TERT: variants seen among roughly 807,000 people sequenced by gnomAD.
TERT encodes the protein telomerase catalytic subunit.
Under a neutral mutation model 104.0 loss-of-function variants are expected in TERT, and 42 were observed. The observed-to-expected ratio is 0.40, with a 90% CI of 0.32 to 0.52. The LOEUF is 0.52. TERT is among the 20% of genes least tolerant of loss of function. The pLI is 0.43. For synonymous variants in TERT, 781 were observed against 725.6 expected (o/e 1.08, Z -1.23); for missense variants, 1,101 against 1,610.3 (o/e 0.68, Z 5.41).
chr5:1,264,116 T>G, intron 11 of TERT: 1 of 473,306 alleles, frequency 2.1e-6, no homozygotes, highest in Non-Finnish European at 3.9e-6. Flanking sequence ...GCGTCTTGGG[T>G]TCGGATCCAG....
intron 6 of TERT, among the ~76,000 whole-genome samples, chr5:1,277,143 C>T (rs1472185234): frequency 2.0e-5 from 3 of 152,216 alleles, no homozygotes; most frequent in African/African-American, 4.8e-5. Flanking sequence ...CACAATCCCA[C>T]GAGGCGGCTT....
chr5:1,284,172 G>A (rs1429483906), intron 2 of TERT, among the ~76,000 whole-genome samples: 90 of 38,018 alleles, frequency 2.4e-3, no homozygotes, highest in South Asian at 5.0e-3. Context: ...CCATCCAGAC[G>A]CCGCACATCC....
chr5:1,279,237 G>A, intron 5 of TERT, 54 bp downstream of exon 5: 3 of 1,531,564 alleles, frequency 2.0e-6, no homozygotes, highest in South Asian at 1.2e-5. Context: ...GTGCCAATCA[G>A]GCAGCCACTC....
chr5:1,285,159 C>T (rs1318505318), intron 2 of TERT, among the ~76,000 whole-genome samples: 1 of 122,458 alleles, frequency 8.2e-6, no homozygotes, highest in Non-Finnish European at 1.8e-5. Context: ...GGACTCCATA[C>T]CTCCAGCTCA....
chr5:1,256,874 C>T lies in TERT; in HGVS notation c.3033-1463G>A, dbSNP rs763210459. Among the ~76,000 whole-genome samples, 90 of 152,268 alleles carry T rather than the reference C, an allele frequency of 5.9e-4. No individual in the cohort carries two copies. The highest frequency in any genetic ancestry group is 2.1e-3 in the African/African-American group (87 of 41,556). On this transcript the variant is annotated intron_variant, in intron 13 of 15. Transcript: ENST00000310581. This position sits in a 1 kb window ranked among gnomAD's most constrained non-coding sequence, Gnocchi z 7.0. ...GAGGTCGGGGCGTCCACCCCAAGCC[C>T]GTGTGGAGGCGCGGCCAGCACGGGC... is the stretch of plus-strand genomic sequence containing the variant.
chr5:1,293,172 A>T, intron 2 of TERT, 141 bp downstream of exon 2: 1 of 925,460 alleles, frequency 1.1e-6, no homozygotes, highest in Non-Finnish European at 1.6e-6. Flanking sequence ...CACCGTGTCC[A>T]CTCGACGTCC....
At chr5:1,282,927 C>T (rs1750142349) in intron 2 of TERT, 5 of 476,178 alleles carry the variant, frequency 1.1e-5, no homozygotes, top group Admixed American at 9.7e-5. Context: ...GGCGAACTCA[C>T]CCCGGACCTG....
At position 1,256,349 on chromosome 5, in the gene TERT, G is replaced by GCAC. The variant is rs543577182; in HGVS notation, c.3033-939_3033-938insGTG. Among the ~76,000 whole-genome samples, 52 of 152,180 alleles carry GCAC rather than the reference G, an allele frequency of 3.4e-4. No homozygotes were observed. The highest frequency in any genetic ancestry group is 1.1e-3 in the African/African-American group (47 of 41,508). ...CATCTTTGGCCTCTCAGCTTCCTGG[G>GCAC]ACTTTGGGGCAGGTGTGCACAGACC... On this transcript the variant is annotated intron_variant, in intron 13 of 15. Transcript: ENST00000310581. This position sits in a 1 kb window ranked among gnomAD's most constrained non-coding sequence, Gnocchi z 7.0.
rs185178000 is a variant in TERT at position 1,292,469 on chromosome 5, C to T, written c.1573+844G>A. The stretch of plus-strand genomic sequence containing the variant: ...TGGGACCAGGATCTGTGCTGGAGAA[C>T]AGTCTTATCTCCCTCCCTCTACCCT... On this transcript the variant is annotated intron_variant, in intron 2 of 15. Transcript: ENST00000310581. The surrounding 1 kb of genome is among the most constrained non-coding windows in gnomAD (Gnocchi z 5.5). Among the ~76,000 whole-genome samples the T allele has an allele frequency of 1.1e-4, 17 of 152,262 alleles. No individual in the cohort carries two copies. The highest frequency in any genetic ancestry group is 4.1e-4 in the African/African-American group (17 of 41,556).
chr5:1,285,534 T>C (rs1385600583), intron 2 of TERT, among the ~76,000 whole-genome samples: 1 of 152,000 alleles, frequency 6.6e-6, no homozygotes, highest in East Asian at 1.9e-4. Flanking sequence ...TTTCACCTTT[T>C]CTTTTTTACT....
chr5:1,283,587 G>A lies in TERT; in HGVS notation c.1574-963C>T, dbSNP rs193076200. 1.6e-3 allele frequency among the ~76,000 whole-genome samples: 241 copies of A among 146,548 alleles called. 1 individual carries two copies. Among genetic ancestry groups the A allele is most frequent in the African/African-American group, 5.5e-3 (216 of 39,172 alleles). ...CCACATCCAGCTCACCGAAGGCCTT[G>A]GCTACCTCACCCCGGACCTGCACCA... On this transcript the variant is annotated intron_variant, in intron 2 of 15. Transcript: ENST00000310581.
rs1413295044 is a variant in TERT, at chr5:1,293,379, G to A, written c.1507C>T (p.Leu503Phe). 1 of 1,613,382 alleles carries A rather than the reference G, an allele frequency of 6.2e-7. No individual in the cohort carries two copies. Among genetic ancestry groups the A allele is most frequent in the Admixed American group, 1.7e-5 (1 of 60,024 alleles). The change falls in exon 2 of 16, where the codon CTC (leucine) becomes TTC (phenylalanine). Residue 503 changes from leucine (L) to phenylalanine (F), a missense_variant. Physicochemically the swap from Leu to Phe is conservative, Grantham distance 22. Coordinates refer to ENST00000310581, the MANE Select transcript of TERT (RefSeq NM_198253.3). ...KFISLGKHAK[L>F]SLQELTWKMS... ...TTCCACGTCAGCTCCTGCAGCGAGA[G>A]CTTGGCATGCTTCCCCAGGGAGATG...
intron 6 of TERT, among the ~76,000 whole-genome samples, chr5:1,272,650 AGACCCCACGACCG>A (rs2126620615): frequency 1.6e-4 from 10 of 61,848 alleles, no homozygotes; most frequent in African/African-American, 3.7e-4. Context: ...ACCACACATC[AGACCCCACGACCG>A]CCATCCACAG....
At chr5:1,264,346 C>T (rs1748440354) in intron 11 of TERT, 58 bp downstream of exon 11, 1 of 1,546,842 alleles carries the variant, frequency 6.5e-7, no homozygotes, top group African/African-American at 1.4e-5. Flanking sequence ...CGCAACGGCC[C>T]TGCAGCAGCA....
chr5:1,267,527 A>G (rs1455061750), intron 9 of TERT, among the ~76,000 whole-genome samples: 2 of 152,230 alleles, frequency 1.3e-5, no homozygotes, highest in African/African-American at 4.8e-5. Flanking sequence ...ATAAAGACAC[A>G]TGCACACGTA....
At position 1,293,375 on chromosome 5, in the gene TERT, G is replaced by A; in HGVS notation, c.1511C>T (p.Ser504Leu). Reference sequence around the variant, plus strand: ...CATCTTCCACGTCAGCTCCTGCAGCGAGAGCTTGGCATGCTTCCCCAGGGA... The same window carrying A: ...CATCTTCCACGTCAGCTCCTGCAGCAAGAGCTTGGCATGCTTCCCCAGGGA... ...FISLGKHAKL[S>L]LQELTWKMSV... Residue 504 changes from serine to leucine, a missense_variant, in exon 2 of 16, where the codon TCG (serine) becomes TTG (leucine). By Grantham distance (145) the Ser-to-Leu change is moderately radical. This residue lies in a region of TERT where 504 missense variants were observed against 544.6 expected (regional missense o/e 0.93). Coordinates refer to ENST00000310581, the MANE Select transcript of TERT (RefSeq NM_198253.3). 4 of 1,613,358 alleles carry A rather than the reference G, an allele frequency of 2.5e-6. No homozygotes were observed. Among genetic ancestry groups the A allele is most frequent in the South Asian group, 2.2e-5 (2 of 91,076 alleles).
rs1750507191 is a variant in TERT at position 1,286,547 on chromosome 5, C to G, written c.1574-3923G>C. On this transcript the variant is annotated intron_variant, in intron 2 of 15. Transcript: ENST00000310581. The surrounding 1 kb of genome is among the most constrained non-coding windows in gnomAD (Gnocchi z 5.3). ...AAAATACACTAAGGGTCTTATTGCT[C>G]AGGACAAGGGTAGCAATGTTTCAGA... Among the ~76,000 whole-genome samples, 1 of 152,092 alleles carries G rather than the reference C, an allele frequency of 6.6e-6. No individual in the cohort carries two copies.
rs1561209239 is a variant in TERT at position 1,288,184 on chromosome 5, TA to T, written c.1573+5128del. ...AAAAAAATCACAGAATAAGAATACT[TA>T]AAAGAAGTATTAACACTTTGAAGTA... On this transcript the variant is annotated intron_variant, in intron 2 of 15. Transcript: ENST00000310581. The surrounding 1 kb of genome is among the most constrained non-coding windows in gnomAD (Gnocchi z 5.3). Among the ~76,000 whole-genome samples, 1 of 151,982 alleles carries T rather than the reference TA, an allele frequency of 6.6e-6. No individual in the cohort carries two copies. The highest frequency in any genetic ancestry group is 6.6e-5 in the Admixed American group (1 of 15,246).
In TERT at chr5:1,274,218, A is replaced by C. The variant is rs536988834; in HGVS notation, c.2287-1938T>G. ...CTAAAACCACATCGAGTACGATTCA[A>C]CCCTGAGAACCAACCTGGAAGGCAG... On this transcript the variant is annotated intron_variant, in intron 6 of 15. Transcript: ENST00000310581. This position sits in a 1 kb window ranked among gnomAD's most constrained non-coding sequence, Gnocchi z 5.3. Among the ~76,000 whole-genome samples the C allele has an allele frequency of 2.0e-4, 31 of 152,328 alleles. No homozygotes were observed. Among genetic ancestry groups the C allele is most frequent in the African/African-American group, 7.2e-4 (30 of 41,572 alleles).
Sources: allele counts gnomAD v4.1 joint callset (sites outside exome capture counted in the v4.1 genomes callset), GRCh38; gene constraint gnomAD v4.1.1; regional missense constraint gnomAD v4.1.1; non-coding constraint Gnocchi (gnomAD v3.1); transcripts MANE v1.5; gene names NCBI Gene and HGNC (gene_info 2026-07-23, HGNC 2026-07-21).